GABRB1: variants seen among roughly 807,000 people sequenced by gnomAD.
The protein encoded by GABRB1 is gamma-aminobutyric acid type A receptor subunit beta1, also known as gamma-aminobutyric acid receptor subunit beta-1.
Under a neutral mutation model 51.6 loss-of-function variants are expected in GABRB1, and 17 were observed. The observed-to-expected ratio is 0.33, with a 90% CI of 0.23 to 0.49. The LOEUF (loss-of-function observed/expected upper bound fraction) is 0.49. Ranked by LOEUF, GABRB1 falls within the 20% of genes least tolerant of loss-of-function variation. The probability of loss-of-function intolerance (pLI) is 0.99; values close to 1 mark genes in which losing one functional copy is unlikely to be tolerated. For missense variants in GABRB1, 410 were observed against 600.6 expected, an observed-to-expected ratio of 0.68 and a Z score of 3.32; for synonymous variants, 247 against 218.9, an observed-to-expected ratio of 1.13 and a Z score of -1.14.
intron 4 of GABRB1, among the ~76,000 whole-genome samples, chr4:47,305,709 T>C (rs973339609): frequency 3.3e-5 from 5 of 152,148 alleles, no homozygotes; most frequent in African/African-American, 7.2e-5. Flanking sequence ...AATTTCTTCA[T>C]TGAAGGAACT....
In GABRB1 at chr4:47,088,342, G is replaced by A. The variant is rs549103973; in HGVS notation, c.240+55858G>A. Among the ~76,000 whole-genome samples the A allele has an allele frequency of 8.5e-5, 13 of 152,284 alleles. 1 individual carries two copies. Among genetic ancestry groups the A allele is most frequent in the African/African-American group, 2.6e-4 (11 of 41,554 alleles). ...ATAGGAGACTGAGATACAAGCATCTGGGTCAAAGAAAATAATTTTAATTCA... is the reference window on the plus strand; with the variant it reads ...ATAGGAGACTGAGATACAAGCATCTAGGTCAAAGAAAATAATTTTAATTCA... On this transcript the variant is annotated intron_variant, in intron 3 of 8. Transcript: ENST00000295454.
rs563590368 is a variant in GABRB1, at chr4:47,097,293, T to A, written c.241-63956T>A. ...GGGACCACCTTGCTCTTCCTAGAAC[T>A]CATCAGGCATGCTTCTGCTGTAGGA... On this transcript the variant is annotated intron_variant, in intron 3 of 8. Coordinates refer to ENST00000295454, the MANE Select transcript of GABRB1 (RefSeq NM_000812.4). 2.6e-5 allele frequency among the ~76,000 whole-genome samples: 4 copies of A among 152,294 alleles called. No homozygotes were observed. The East Asian group carries it at 7.7e-4, about 29-fold the overall frequency.
intron 3 of GABRB1, among the ~76,000 whole-genome samples, chr4:47,118,018 A>G (rs1715583123): frequency 6.6e-6 from 1 of 152,182 alleles, no homozygotes; most frequent in Non-Finnish European, 1.5e-5. Context: ...AGCACCCAAA[A>G]TAGAACCTGG....
At chr4:47,165,251 T>C (rs1718129333) in intron 4 of GABRB1, among the ~76,000 whole-genome samples, 1 of 152,094 alleles carries the variant, frequency 6.6e-6, no homozygotes, top group South Asian at 2.1e-4. Flanking sequence ...AATCTCTCCA[T>C]GTCTGCATGT....
chr4:47,391,956 T>C (rs569884694), intron 5 of GABRB1, among the ~76,000 whole-genome samples: 1 of 152,266 alleles, frequency 6.6e-6, no homozygotes, highest in East Asian at 1.9e-4. Context: ...TAGAAACAGT[T>C]GAAATATTCT....
chr4:47,319,203 G>A (rs754301527), intron 4 of GABRB1, among the ~76,000 whole-genome samples: 24 of 151,976 alleles, frequency 1.6e-4, no homozygotes, highest in Non-Finnish European at 3.2e-4. Context: ...TGAATATACT[G>A]TAGTACTTTA....
chr4:47,386,532 C>T (rs116491273), intron 5 of GABRB1, among the ~76,000 whole-genome samples: 10 of 152,192 alleles, frequency 6.6e-5, no homozygotes, highest in South Asian at 2.1e-4. Context: ...ATTGAGTAAC[C>T]GTCACTGTGA....
At chr4:47,420,499 T>A (rs985242459) in intron 8 of GABRB1, among the ~76,000 whole-genome samples, 3 of 152,208 alleles carry the variant, frequency 2.0e-5, no homozygotes, top group African/African-American at 7.2e-5. Flanking sequence ...TGTTAACAAT[T>A]TTAATTTGCC....
intron 1 of GABRB1, among the ~76,000 whole-genome samples, chr4:46,997,227 T>G (rs1157069072): frequency 1.3e-5 from 2 of 152,028 alleles, no homozygotes; most frequent in Non-Finnish European, 2.9e-5. Context: ...AACAAGATGT[T>G]TTGATATAAA....
chr4:47,125,407 T>G (rs1716074553), intron 3 of GABRB1, among the ~76,000 whole-genome samples: 1 of 151,984 alleles, frequency 6.6e-6, no homozygotes, highest in African/African-American at 2.4e-5. Flanking sequence ...AACTCATTGA[T>G]ACAGGTAAAC....
intron 3 of GABRB1, among the ~76,000 whole-genome samples, chr4:47,066,857 A>G (rs1255490418): frequency 1.3e-5 from 2 of 152,204 alleles, no homozygotes; most frequent in African/African-American, 2.4e-5. Context: ...TCTTAATGAC[A>G]TCTAGAATGG....
At chr4:47,112,063 G>C (rs979229739) in intron 3 of GABRB1, among the ~76,000 whole-genome samples, 4 of 150,602 alleles carry the variant, frequency 2.7e-5, no homozygotes, top group African/African-American at 9.8e-5. Flanking sequence ...TCCACCTCCC[G>C]GGTTCAAGCG....
chr4:47,412,560 A>C (rs769077505), intron 8 of GABRB1, among the ~76,000 whole-genome samples: 18 of 152,176 alleles, frequency 1.2e-4, no homozygotes, highest in Non-Finnish European at 1.8e-4. Flanking sequence ...TGTAATCTTT[A>C]AAGGAGCATT....
chr4:47,412,730 A>C (rs1352231727), intron 8 of GABRB1, among the ~76,000 whole-genome samples: 1 of 152,072 alleles, frequency 6.6e-6, no homozygotes. Flanking sequence ...CTGCAGAGAG[A>C]GGGGTCCCAA....
At chr4:47,124,014 C>T (rs190064271) in intron 3 of GABRB1, among the ~76,000 whole-genome samples, 107 of 133,256 alleles carry the variant, frequency 8.0e-4, no homozygotes, top group Non-Finnish European at 8.1e-4. Context: ...TATAATCTTG[C>T]TTTTCTGGCA....
intron 3 of GABRB1, among the ~76,000 whole-genome samples, chr4:47,037,535 TTTG>T (rs1426083321): frequency 7.4e-5 from 10 of 134,850 alleles, no homozygotes; most frequent in African/African-American, 1.9e-4. Flanking sequence ...TTCGTTTTTT[TTTG>T]TTGTTGTTGT....
intron 4 of GABRB1, among the ~76,000 whole-genome samples, chr4:47,171,806 T>A (rs958428198): frequency 6.6e-6 from 1 of 152,134 alleles, no homozygotes; most frequent in Admixed American, 6.6e-5. Flanking sequence ...ATCATCATTA[T>A]CAAAATAAAA....
chr4:47,241,874 C>CTTTTTATTTTTTA (rs1355215236), intron 4 of GABRB1, among the ~76,000 whole-genome samples: 2 of 151,734 alleles, frequency 1.3e-5, no homozygotes, highest in African/African-American at 4.8e-5. Context: ...TTTATCATTT[C>CTTTTTATTTTTTA]TTTTTATTTT....
intron 4 of GABRB1, among the ~76,000 whole-genome samples, chr4:47,162,543 T>A (rs1718007904): frequency 6.6e-6 from 1 of 151,996 alleles, no homozygotes; most frequent in African/African-American, 2.4e-5. Flanking sequence ...ATTACCAGCA[T>A]CTACCAGTGG....
Sources: allele counts gnomAD v4.1 joint callset (sites outside exome capture counted in the v4.1 genomes callset), GRCh38; gene constraint gnomAD v4.1.1; transcripts MANE v1.5; gene names NCBI Gene and HGNC (gene_info 2026-07-23, HGNC 2026-07-21).